The following CTNNA2 variants were observed in gnomAD, a reference collection of about 807,000 sequenced individuals.
CTNNA2 encodes catenin alpha-2.
A neutral mutation model predicts 101.0 loss-of-function variants in CTNNA2; 42 were observed. The observed-to-expected ratio is 0.42, with a 90% CI of 0.32 to 0.54. The LOEUF (loss-of-function observed/expected upper bound fraction) is 0.54. Ranked by LOEUF, CTNNA2 falls within the 20% of genes least tolerant of loss-of-function variation. The pLI is 0.14. For missense variants in CTNNA2, 871 were observed against 1,223.1 expected (o/e 0.71, Z 4.29); for synonymous variants, 450 against 456.4 (o/e 0.99, Z 0.18).
intron 1 of CTNNA2, among the ~76,000 whole-genome samples, chr2:79,639,958 G>A (rs915764832): frequency 6.6e-6 from 1 of 150,734 alleles, no homozygotes; most frequent in African/African-American, 2.5e-5. Flanking sequence ...GTGTGTGTGT[G>A]TGTGAAGAGA....
At chr2:80,090,920 T>A (rs1227962781) in intron 7 of CTNNA2, among the ~76,000 whole-genome samples, 1 of 152,094 alleles carries the variant, frequency 6.6e-6, no homozygotes, top group East Asian at 1.9e-4. Context: ...ATGAAGAGAA[T>A]GTCAGTAATG....
intron 7 of CTNNA2, among the ~76,000 whole-genome samples, chr2:80,191,634 CTGAG>C (rs1706508622): frequency 6.6e-6 from 1 of 152,090 alleles, no homozygotes; most frequent in African/African-American, 2.4e-5. Context: ...AAAGTTGAGA[CTGAG>C]AGAGCAAGTG....
intron 2 of CTNNA2, among the ~76,000 whole-genome samples, chr2:79,297,872 C>T (rs1041291291): frequency 2.0e-5 from 3 of 152,192 alleles, no homozygotes; most frequent in African/African-American, 7.2e-5. Context: ...ATTATCCACA[C>T]TCATTGGAAA....
At chr2:79,514,261 G>T (rs1463863336) in intron 1 of CTNNA2, among the ~76,000 whole-genome samples, 2 of 152,216 alleles carry the variant, frequency 1.3e-5, no homozygotes, top group Non-Finnish European at 2.9e-5. Context: ...TGGTTAGACA[G>T]TTTTGGAGAA....
intron 9 of CTNNA2, among the ~76,000 whole-genome samples, chr2:80,426,740 T>C (rs56099623): frequency 0.16 from 24,006 of 151,646 alleles, 2,616 homozygotes; most frequent in African/African-American, 0.32. Context: ...GTCCCCTCCT[T>C]CCTCCACCAC....
chr2:79,468,218 G>C (rs1228873494), intron 4 of CTNNA2, among the ~76,000 whole-genome samples: 1 of 152,004 alleles, frequency 6.6e-6, no homozygotes, highest in African/African-American at 2.4e-5. Flanking sequence ...AAAAAGGCAG[G>C]GGTTGCAATC....
chr2:79,583,251 G>A (rs1042406783), intron 1 of CTNNA2, among the ~76,000 whole-genome samples: 1 of 151,416 alleles, frequency 6.6e-6, no homozygotes, highest in Non-Finnish European at 1.5e-5. Context: ...GGAAGACTTT[G>A]CCTCATCTAC....
At position 80,302,720 on chromosome 2, in the gene CTNNA2, G is replaced by A. The variant is rs1324473925; in HGVS notation, c.1057-90491G>A. The A allele has an allele frequency of 4.3e-6, 7 of 1,612,902 alleles. No homozygotes were observed. In the East Asian group the frequency reaches 1.3e-4, roughly 31 times the overall value. On this transcript the variant is annotated intron_variant, in intron 7 of 18. Coordinates refer to ENST00000402739, the MANE Select transcript of CTNNA2 (RefSeq NM_001282597.3). This position sits in a 1 kb window ranked among gnomAD's most constrained non-coding sequence, Gnocchi z 6.4. ...GAGCAGGTGGCCGCTGGTGGGCTCG[G>A]CCCCATCCTCGCACAGGTGGAAGGC...
At chr2:79,607,326 G>T (rs1430029972) in intron 1 of CTNNA2, among the ~76,000 whole-genome samples, 2 of 152,166 alleles carry the variant, frequency 1.3e-5, no homozygotes, top group Admixed American at 1.3e-4. Flanking sequence ...AAATCTTAGT[G>T]CTTAATTGAA....
intron 7 of CTNNA2, among the ~76,000 whole-genome samples, chr2:80,150,845 C>A (rs1210357855): frequency 6.6e-6 from 1 of 152,106 alleles, no homozygotes; most frequent in Non-Finnish European, 1.5e-5. Context: ...AATATATCAC[C>A]CTTTTATTTT....
At chr2:79,549,471 A>G (rs930299975) in intron 1 of CTNNA2, among the ~76,000 whole-genome samples, 10 of 152,218 alleles carry the variant, frequency 6.6e-5, no homozygotes, top group African/African-American at 1.7e-4. Flanking sequence ...AGAGTTCAGT[A>G]TGACAAAAGA....
intron 2 of CTNNA2, among the ~76,000 whole-genome samples, chr2:79,256,461 G>A (rs577198973): frequency 6.7e-6 from 1 of 148,808 alleles, no homozygotes; most frequent in African/African-American, 2.5e-5. Flanking sequence ...GAATAAATGA[G>A]AGAGTAAATC....
intron 5 of CTNNA2, among the ~76,000 whole-genome samples, chr2:79,870,254 T>A (rs2104025281): frequency 6.6e-6 from 1 of 152,210 alleles, no homozygotes; most frequent in Middle Eastern, 3.4e-3. Flanking sequence ...TATTAAACTG[T>A]GGGGTAGTGC....
At chr2:80,166,883 A>T (rs886526824) in intron 7 of CTNNA2, among the ~76,000 whole-genome samples, 2 of 151,998 alleles carry the variant, frequency 1.3e-5, no homozygotes, top group African/African-American at 4.8e-5. Flanking sequence ...AGAATTAGGA[A>T]GCAGTTTGTT....
At chr2:80,539,727 G>C (rs942512611) in intron 9 of CTNNA2, among the ~76,000 whole-genome samples, 2 of 152,164 alleles carry the variant, frequency 1.3e-5, no homozygotes, top group African/African-American at 4.8e-5. Flanking sequence ...AAGTTAAGAA[G>C]GAGAGCTTTC....
intron 5 of CTNNA2, among the ~76,000 whole-genome samples, chr2:79,505,890 T>C (rs1014361844): frequency 6.6e-6 from 1 of 152,122 alleles, no homozygotes; most frequent in Non-Finnish European, 1.5e-5. Flanking sequence ...ATAATCAACA[T>C]TGAGAATTGT....
intron 3 of CTNNA2, among the ~76,000 whole-genome samples, chr2:79,843,614 C>G (rs1189409420): frequency 6.6e-6 from 1 of 152,210 alleles, no homozygotes; most frequent in Non-Finnish European, 1.5e-5. Context: ...CTTTCTGTCT[C>G]TAAAATACAA....
At chr2:80,481,593 A>G (rs987602479) in intron 9 of CTNNA2, among the ~76,000 whole-genome samples, 1 of 152,130 alleles carries the variant, frequency 6.6e-6, no homozygotes, top group African/African-American at 2.4e-5. Context: ...AAGGATGTTA[A>G]ACCTGACCTT....
At position 80,303,502 on chromosome 2, in the gene CTNNA2, C is replaced by T; in HGVS notation, c.1057-89709C>T. On this transcript the variant is annotated intron_variant, in intron 7 of 18. Transcript: ENST00000402739. This position sits in a 1 kb window ranked among gnomAD's most constrained non-coding sequence, Gnocchi z 7.7. ...CTCGGCGCAGTTTCTGAAAGGCGTCCCCCTGCACGGAGCAGATGTGATTGT... is the reference window on the plus strand; with the variant it reads ...CTCGGCGCAGTTTCTGAAAGGCGTCTCCCTGCACGGAGCAGATGTGATTGT... 2 of 1,614,216 alleles carry T rather than the reference C, an allele frequency of 1.2e-6. No homozygotes were observed. Among genetic ancestry groups the T allele is most frequent in the African/African-American group, 1.3e-5 (1 of 75,062 alleles).
Sources: allele counts gnomAD v4.1 joint callset (sites outside exome capture counted in the v4.1 genomes callset), GRCh38; gene constraint gnomAD v4.1.1; non-coding constraint Gnocchi (gnomAD v3.1); transcripts MANE v1.5; gene names NCBI Gene and HGNC (gene_info 2026-07-23, HGNC 2026-07-21).